KAZN: variants seen among roughly 807,000 people sequenced by gnomAD.
KAZN encodes the protein kazrin, periplakin interacting protein.
Under a neutral mutation model 87.4 loss-of-function variants are expected in KAZN, and 40 were observed. That is an observed-to-expected ratio of 0.46 (90% confidence interval 0.36 to 0.60). The LOEUF is 0.60. Among genes scored for constraint, KAZN ranks in the 20% least tolerant of loss-of-function variants. KAZN has a pLI of 0.00. For synonymous variants in KAZN, 466 were observed against 458.3 expected (o/e 1.02, Z -0.22); for missense variants, 898 against 1,073.9 (o/e 0.84, Z 2.29).
intron 1 of KAZN, among the ~76,000 whole-genome samples, chr1:14,892,249 G>C (rs773269170): frequency 3.9e-5 from 6 of 152,116 alleles, no homozygotes; most frequent in Non-Finnish European, 8.8e-5. Flanking sequence ...AACACTCCTG[G>C]CAGAAGAGAG....
intron 2 of KAZN, among the ~76,000 whole-genome samples, chr1:14,458,779 C>T (rs1667701277): frequency 6.6e-6 from 1 of 152,182 alleles, no homozygotes; most frequent in Non-Finnish European, 1.5e-5. Flanking sequence ...AGACTCCGTG[C>T]CCATGATGGG....
chr1:13,964,566 C>G (rs1463372635), intron 1 of KAZN, among the ~76,000 whole-genome samples: 1 of 152,008 alleles, frequency 6.6e-6, no homozygotes, highest in Non-Finnish European at 1.5e-5. Context: ...CAGGACAACT[C>G]TGTTCTTTAA....
chr1:14,592,781 TTCATCAC>T (rs1198439229), intron 2 of KAZN, among the ~76,000 whole-genome samples: 1 of 152,160 alleles, frequency 6.6e-6, no homozygotes, highest in Non-Finnish European at 1.5e-5. Context: ...GGTCAAGAAG[TTCATCAC>T]TCACTGGCTT....
At chr1:13,898,387 G>A (rs1639123801) in intron 1 of KAZN, among the ~76,000 whole-genome samples, 2 of 152,202 alleles carry the variant, frequency 1.3e-5, no homozygotes, top group South Asian at 4.1e-4. Context: ...TAGCTGGTGG[G>A]GACTTCATCT....
In KAZN at chr1:14,507,623, A is replaced by G. The variant is rs182386691; in HGVS notation, c.250-91360A>G. 9.8e-5 allele frequency among the ~76,000 whole-genome samples: 15 copies of G among 152,286 alleles called. 1 individual carries two copies. The East Asian group carries it at 2.9e-3, about 29-fold the overall frequency. ...GCTAAAATAGACACCACCTAGCAGA[A>G]TCAATATGAAGGAGAGCTGTCTTTT... On this transcript the variant is annotated intron_variant, in intron 2 of 16. Transcript: ENST00000636203.
intron 1 of KAZN, among the ~76,000 whole-genome samples, chr1:14,631,536 G>A (rs1000449098): frequency 2.6e-5 from 4 of 152,164 alleles, no homozygotes; most frequent in South Asian, 4.1e-4. Context: ...CTCCAGCCCC[G>A]ATCCTGCTAC....
chr1:13,900,815 T>A (rs556034681), intron 1 of KAZN, among the ~76,000 whole-genome samples: 1 of 152,198 alleles, frequency 6.6e-6, no homozygotes. Flanking sequence ...AGGGTTGTGA[T>A]GAGTCTGACA....
chr1:14,446,857 C>G (rs1667010309), intron 2 of KAZN, among the ~76,000 whole-genome samples: 1 of 152,034 alleles, frequency 6.6e-6, no homozygotes, highest in Non-Finnish European at 1.5e-5. Flanking sequence ...ATATTTATTT[C>G]AGCTGGAAAA....
At chr1:14,946,463 G>A (rs184947884) in intron 1 of KAZN, among the ~76,000 whole-genome samples, 2 of 151,570 alleles carry the variant, frequency 1.3e-5, no homozygotes, top group Non-Finnish European at 2.9e-5. Context: ...TCAGCCTCCC[G>A]AGTCACTGGG....
intron 2 of KAZN, among the ~76,000 whole-genome samples, chr1:14,972,880 G>A (rs759560560): frequency 6.6e-6 from 1 of 152,036 alleles, no homozygotes; most frequent in Non-Finnish European, 1.5e-5. Flanking sequence ...CAGGGCTTTG[G>A]GGTATTGAAT....
chr1:14,920,123 T>C (rs1227125724), intron 1 of KAZN, among the ~76,000 whole-genome samples: 12 of 152,008 alleles, frequency 7.9e-5, no homozygotes, highest in Non-Finnish European at 1.8e-4. Context: ...ACACCAAACA[T>C]AATGGGGTCT....
intron 1 of KAZN, among the ~76,000 whole-genome samples, chr1:14,805,706 A>T (rs1646189255): frequency 6.6e-6 from 1 of 151,812 alleles, no homozygotes; most frequent in African/African-American, 2.4e-5. Context: ...GGTTGCAGTG[A>T]GCAGAGATCG....
chr1:14,648,343 AT>A (rs199848501), intron 1 of KAZN, among the ~76,000 whole-genome samples: 6 of 152,224 alleles, frequency 3.9e-5, no homozygotes, highest in African/African-American at 1.4e-4. Context: ...AATGGAACAC[AT>A]TTTTTAAAGG....
intron 1 of KAZN, among the ~76,000 whole-genome samples, chr1:14,081,852 G>T (rs1000372869): frequency 2.0e-5 from 3 of 152,160 alleles, no homozygotes; most frequent in Non-Finnish European, 4.4e-5. Context: ...TTCCGGGCTA[G>T]ATCAATCTTC....
At chr1:14,809,104 C>A (rs924974408) in intron 1 of KAZN, among the ~76,000 whole-genome samples, 7 of 152,192 alleles carry the variant, frequency 4.6e-5, no homozygotes, top group African/African-American at 1.7e-4. Context: ...CAGAACAGGG[C>A]CCCAGGTCTA....
chr1:14,482,927 T>C (rs944661010), intron 2 of KAZN, among the ~76,000 whole-genome samples: 1 of 152,216 alleles, frequency 6.6e-6, no homozygotes, highest in African/African-American at 2.4e-5. Context: ...TTAGGTAAGT[T>C]ACATAACCTC....
At chr1:14,556,357 C>T (rs1018225543) in intron 2 of KAZN, among the ~76,000 whole-genome samples, 2 of 152,088 alleles carry the variant, frequency 1.3e-5, no homozygotes, top group African/African-American at 4.8e-5. Flanking sequence ...GATCCACACG[C>T]CTCGGCCACC....
intron 2 of KAZN, among the ~76,000 whole-genome samples, chr1:14,371,353 A>C (rs1301879717): frequency 6.6e-6 from 1 of 152,146 alleles, no homozygotes. Context: ...TACATGCTTA[A>C]TCCCCTCTTG....
chr1:14,405,630 G>GTA (rs1368192965), intron 2 of KAZN, among the ~76,000 whole-genome samples: 1 of 151,666 alleles, frequency 6.6e-6, no homozygotes. Flanking sequence ...GTGTGTGTGT[G>GTA]TGTGTGTGTG....
Sources: gnomAD v4.1 joint callset for allele counts (sites outside exome capture counted in the v4.1 genomes callset) on GRCh38, gnomAD v4.1.1 for gene constraint, MANE v1.5 for transcripts, NCBI Gene and HGNC (gene_info 2026-07-23, HGNC 2026-07-21) for gene names.